Variants in SLC4A4 observed in about 807,000 individuals in gnomAD.
The protein encoded by SLC4A4 is solute carrier family 4 member 4.
A neutral mutation model predicts 111.5 loss-of-function variants in SLC4A4; 27 were observed. That is an observed-to-expected ratio of 0.24 (90% CI 0.18 to 0.33). The LOEUF is 0.33. Among genes scored for constraint, SLC4A4 ranks in the 10% least tolerant of loss-of-function variants. The probability of loss-of-function intolerance (pLI) is 1.00; values close to 1 mark genes in which losing one functional copy is unlikely to be tolerated. For missense variants in SLC4A4, 909 were observed against 1,315.5 expected, an observed-to-expected ratio of 0.69 and a Z score of 4.78; for synonymous variants, 443 against 463.4, an observed-to-expected ratio of 0.96 and a Z score of 0.57.
chr4:71,561,086 G>A (rs1578190012), intron 23 of SLC4A4, among the ~76,000 whole-genome samples: 1 of 151,664 alleles, frequency 6.6e-6, no homozygotes, highest in African/African-American at 2.4e-5. Context: ...ATTTGCTCTG[G>A]ATTTTACACA....
At chr4:71,495,054 T>C (rs1730277939) in intron 15 of SLC4A4, among the ~76,000 whole-genome samples, 2 of 152,118 alleles carry the variant, frequency 1.3e-5, no homozygotes, top group Admixed American at 1.3e-4. Context: ...GTTTTTATAC[T>C]GAAGTCCTTA....
intron 7 of SLC4A4, among the ~76,000 whole-genome samples, chr4:71,421,736 A>G (rs536007719): frequency 6.6e-6 from 1 of 152,210 alleles, no homozygotes; most frequent in Non-Finnish European, 1.5e-5. Context: ...CTGAATGACT[A>G]CTGGGTACAT....
chr4:71,551,648 G>A (rs182286366), intron 20 of SLC4A4, among the ~76,000 whole-genome samples: 6 of 151,826 alleles, frequency 4.0e-5, no homozygotes, highest in African/African-American at 1.4e-4. Context: ...TAACCCTCAG[G>A]GTTTACAACC....
intron 7 of SLC4A4, among the ~76,000 whole-genome samples, chr4:71,430,749 T>C (rs1043255360): frequency 2.0e-5 from 3 of 152,112 alleles, no homozygotes; most frequent in Non-Finnish European, 2.9e-5. Context: ...CCTCACCCTT[T>C]CCTGGTGTGG....
At chr4:71,144,539 G>C (rs1040744568) in intron 2 of SLC4A4, among the ~76,000 whole-genome samples, 23 of 151,874 alleles carry the variant, frequency 1.5e-4, no homozygotes, top group African/African-American at 5.3e-4. Context: ...ACCTTGGGCA[G>C]TATGGCCATT....
At chr4:71,113,702 G>C (rs527685229) in intron 2 of SLC4A4, among the ~76,000 whole-genome samples, 1 of 152,118 alleles carries the variant, frequency 6.6e-6, no homozygotes, top group African/African-American at 2.4e-5. Flanking sequence ...AGATTCACCG[G>C]GTTAGGGGTC....
chr4:71,132,933 T>C (rs529705496), intron 2 of SLC4A4, among the ~76,000 whole-genome samples: 1 of 152,280 alleles, frequency 6.6e-6, no homozygotes, highest in East Asian at 1.9e-4. Flanking sequence ...GCCACTCCAA[T>C]GCAGTGAACA....
At chr4:71,200,098 G>A (rs1230018142) in intron 1 of SLC4A4, among the ~76,000 whole-genome samples, 1 of 152,212 alleles carries the variant, frequency 6.6e-6, no homozygotes, top group Admixed American at 6.5e-5. Flanking sequence ...ATTGTCTGGG[G>A]ATGTGGGATC....
chr4:71,212,564 A>G (rs1302133184), intron 1 of SLC4A4, among the ~76,000 whole-genome samples: 4 of 152,214 alleles, frequency 2.6e-5, no homozygotes, highest in South Asian at 2.1e-4. Flanking sequence ...CAGAGGCACA[A>G]TGGGGTTGGA....
intron 6 of SLC4A4, among the ~76,000 whole-genome samples, chr4:71,387,246 A>C (rs1406435032): frequency 6.6e-6 from 1 of 152,124 alleles, no homozygotes; most frequent in African/African-American, 2.4e-5. Flanking sequence ...TGACATTTCT[A>C]AATAGCATAA....
At chr4:71,443,986 C>G (rs1436427765) in intron 8 of SLC4A4, among the ~76,000 whole-genome samples, 1 of 152,062 alleles carries the variant, frequency 6.6e-6, no homozygotes, top group Non-Finnish European at 1.5e-5. Flanking sequence ...CTCATGAATC[C>G]ATTATGGAAG....
chr4:71,462,653 T>C (rs1379485545), intron 12 of SLC4A4, among the ~76,000 whole-genome samples: 1 of 151,942 alleles, frequency 6.6e-6, no homozygotes, highest in Non-Finnish European at 1.5e-5. Flanking sequence ...AGGTGATCTG[T>C]CCACCTGAGC....
chr4:71,311,477 A>G (rs890012313), intron 3 of SLC4A4, among the ~76,000 whole-genome samples: 4 of 152,190 alleles, frequency 2.6e-5, no homozygotes, highest in Admixed American at 6.5e-5. Context: ...AAAAGAATGG[A>G]AATCATAACA....
chr4:71,328,678 C>T (rs1249568707), intron 3 of SLC4A4, among the ~76,000 whole-genome samples: 1 of 151,786 alleles, frequency 6.6e-6, no homozygotes, highest in Non-Finnish European at 1.5e-5. Flanking sequence ...TTAGATTTTT[C>T]CTATTGAGTT....
intron 1 of SLC4A4, among the ~76,000 whole-genome samples, chr4:71,199,726 T>TGCA (rs1195703516): frequency 1.3e-5 from 2 of 152,162 alleles, no homozygotes; most frequent in Admixed American, 1.3e-4. Context: ...CTCGGCTCAC[T>TGCA]GCAACCTCCA....
At chr4:71,107,815 C>G (rs1033890516) in intron 2 of SLC4A4, among the ~76,000 whole-genome samples, 1 of 151,984 alleles carries the variant, frequency 6.6e-6, no homozygotes, top group Non-Finnish European at 1.5e-5. Flanking sequence ...TTAAGCAATC[C>G]TCCTGCCTCA....
rs377233471 is a variant in SLC4A4 at position 71,220,278 on chromosome 4, A to G, written c.-1-16298A>G. On this transcript the variant is annotated intron_variant, in intron 1 of 25. Transcript: ENST00000264485. ...TTGTTAGCATTTTTTAGCAATACAG[A>G]ATTTTAAAATTAAGGTATGTGCATT... 5.9e-5 allele frequency among the ~76,000 whole-genome samples: 9 copies of G among 152,334 alleles called. No homozygotes were observed. In the South Asian group the frequency reaches 1.9e-3, roughly 32 times the overall value.
At chr4:71,184,752 C>T (rs535666385), upstream of SLC4A4, among the ~76,000 whole-genome samples, 7 of 152,088 alleles carry the variant, frequency 4.6e-5, no homozygotes, top group South Asian at 4.2e-4. Flanking sequence ...TGTTATCACC[C>T]GGAAAAGCAA....
rs147981721 is a variant in SLC4A4, at chr4:71,463,942, C to A, written c.1498-2502C>A. On this transcript the variant is annotated intron_variant, in intron 12 of 25. Coordinates refer to ENST00000264485, the MANE Select transcript of SLC4A4 (RefSeq NM_001098484.3). ...CTTTTCCCCTTTATATTCTCCCTTACACTCAGTCAGTGCTGTTTTGATCCA... is the reference window on the plus strand; with the variant it reads ...CTTTTCCCCTTTATATTCTCCCTTAAACTCAGTCAGTGCTGTTTTGATCCA... 5.9e-5 allele frequency among the ~76,000 whole-genome samples: 9 copies of A among 152,274 alleles called. No homozygotes were observed. The East Asian group carries it at 1.5e-3, about 26-fold the overall frequency.
Sources: gnomAD v4.1 joint callset for allele counts (sites outside exome capture counted in the v4.1 genomes callset) on GRCh38, gnomAD v4.1.1 for gene constraint, MANE v1.5 for transcripts, NCBI Gene and HGNC (gene_info 2026-07-23, HGNC 2026-07-21) for gene names.